UBASH3B: variants seen among roughly 807,000 people sequenced by gnomAD.
The protein encoded by UBASH3B is ubiquitin associated and SH3 domain containing B.
In UBASH3B, 37 loss-of-function variants were observed where a neutral mutation model predicts 83.4. The observed-to-expected ratio is 0.44, with a 90% CI of 0.34 to 0.58. The LOEUF is 0.58. Among genes scored for constraint, UBASH3B ranks in the 20% least tolerant of loss-of-function variants. UBASH3B has a pLI of 0.01. For missense variants in UBASH3B, 657 were observed against 827.2 expected (o/e 0.79, Z 2.52); for synonymous variants, 304 against 318.3 (o/e 0.96, Z 0.48).
chr11:122,796,858 C>A lies in UBASH3B; in HGVS notation c.1235-53C>A, dbSNP rs1861165447. The A allele has an allele frequency of 3.1e-6, 5 of 1,613,130 alleles. No homozygotes were observed. In the African/African-American group the frequency reaches 6.7e-5, roughly 22 times the overall value. ...AGAGTGTCAGGATCAGTAAGGGAGT[C>A]CCAAGTAAACAAGAAATGTATGTAT... On this transcript the variant is annotated intron_variant, in intron 8 of 13. Coordinates refer to ENST00000284273, the MANE Select transcript of UBASH3B (RefSeq NM_032873.5).
chr11:122,689,656 A>T (rs1162430258), intron 1 of UBASH3B, among the ~76,000 whole-genome samples: 1 of 152,162 alleles, frequency 6.6e-6, no homozygotes, highest in Non-Finnish European at 1.5e-5. Context: ...ACCTGGAGAT[A>T]GCCTCAGATC....
chr11:122,798,709 CAAAA>C (rs11433996), intron 9 of UBASH3B, among the ~76,000 whole-genome samples: 1 of 118,482 alleles, frequency 8.4e-6, no homozygotes. Context: ...GACTCCATCT[CAAAA>C]AAAAAAAAAA....
At chr11:122,773,484 T>G (rs1246714513) in intron 1 of UBASH3B, among the ~76,000 whole-genome samples, 1 of 152,212 alleles carries the variant, frequency 6.6e-6, no homozygotes, top group Admixed American at 6.5e-5. Flanking sequence ...TTCTTGAAGC[T>G]TTCAAGAATA....
At chr11:122,715,353 C>T (rs1308390566) in intron 1 of UBASH3B, among the ~76,000 whole-genome samples, 2 of 152,292 alleles carry the variant, frequency 1.3e-5, no homozygotes, top group Admixed American at 1.3e-4. Context: ...TCTGGACAGA[C>T]CTTGCATTGC....
intron 1 of UBASH3B, among the ~76,000 whole-genome samples, chr11:122,668,585 A>G (rs1243119168): frequency 6.6e-6 from 1 of 152,198 alleles, no homozygotes; most frequent in East Asian, 1.9e-4. Flanking sequence ...GGGTAAGAAC[A>G]AGCGATATTC....
chr11:122,670,283 G>A (rs542879569), intron 1 of UBASH3B, among the ~76,000 whole-genome samples: 10 of 152,206 alleles, frequency 6.6e-5, no homozygotes, highest in African/African-American at 1.9e-4. Flanking sequence ...CCAAGTCTCT[G>A]CCAACCACCT....
intron 5 of UBASH3B, 147 bp downstream of exon 5, chr11:122,783,369 G>A: frequency 1.1e-6 from 1 of 938,506 alleles, no homozygotes; most frequent in Non-Finnish European, 1.5e-6. Flanking sequence ...ATTGTGTCCA[G>A]CCTCTGCTTG....
chr11:122,796,357 A>G, intron 8 of UBASH3B, 81 bp downstream of exon 8: 1 of 1,561,836 alleles, frequency 6.4e-7, no homozygotes, highest in Admixed American at 1.9e-5. Context: ...AGTTATCTAG[A>G]TGGAGTCATT....
At chr11:122,674,598 G>A (rs1418092342) in intron 1 of UBASH3B, among the ~76,000 whole-genome samples, 1 of 151,956 alleles carries the variant, frequency 6.6e-6, no homozygotes, top group Non-Finnish European at 1.5e-5. Flanking sequence ...AGCCAGGACG[G>A]TCTTGATCTC....
rs2135884511 is a variant in UBASH3B, at chr11:122,655,983, G to C, written c.-67G>C. The C allele has an allele frequency of 1.7e-3, 1,249 of 728,080 alleles. No homozygotes were observed. Among genetic ancestry groups the C allele is most frequent in the Middle Eastern group, 3.9e-3 (8 of 2,036 alleles). The allele number at this position is 728,080 out of a possible 1,614,324, so 45.1% of individuals were successfully genotyped here. ...CGAGCCCCCTCCCCTGGCCCAGCCC[G>C]ACTCCCTCCTCCTTCCCGAACCATC... On this transcript the variant is annotated 5_prime_UTR_variant, in exon 1 of 14. Coordinates refer to ENST00000284273, the MANE Select transcript of UBASH3B (RefSeq NM_032873.5).
intron 4 of UBASH3B, 78 bp downstream of exon 4, chr11:122,779,773 G>T: frequency 6.4e-7 from 1 of 1,559,068 alleles, no homozygotes. Context: ...GGAAATAGTG[G>T]TAGAGGAGCA....
chr11:122,776,971 T>C lies in UBASH3B; in HGVS notation c.216-53T>C, dbSNP rs1860746220. On this transcript the variant is annotated intron_variant, in intron 2 of 13. Transcript: ENST00000284273. ...GTGGATCTGTCTCTCAGTTCTTTTTTCCCCTCCCATTATTCTCAAGCGACA... is the reference window on the plus strand; with the variant it reads ...GTGGATCTGTCTCTCAGTTCTTTTTCCCCCTCCCATTATTCTCAAGCGACA... The C allele has an allele frequency of 5.4e-6, 8 of 1,494,334 alleles. 1 individual carries two copies. The highest frequency in any genetic ancestry group is 1.8e-4 in the Middle Eastern group (1 of 5,604). The allele number at this position is 1,494,334 out of a possible 1,614,324, so 92.6% of individuals were successfully genotyped here. A position where few individuals can be genotyped will look rare whatever the true frequency, so the allele number is the denominator to read the frequency against.
chr11:122,684,630 C>G (rs4936720), intron 1 of UBASH3B, among the ~76,000 whole-genome samples: 104,680 of 152,056 alleles, frequency 0.69, 39,425 homozygotes, highest in Admixed American at 0.83. Flanking sequence ...TGTTTTGAGA[C>G]AGAGTTTCGC....
chr11:122,687,408 C>A (rs372475759), intron 1 of UBASH3B, among the ~76,000 whole-genome samples: 12 of 152,162 alleles, frequency 7.9e-5, no homozygotes, highest in East Asian at 3.8e-4. Context: ...AAACCTTCCA[C>A]TTAACATGGT....
At chr11:122,764,115 G>A (rs1860491531) in intron 1 of UBASH3B, among the ~76,000 whole-genome samples, 1 of 152,204 alleles carries the variant, frequency 6.6e-6, no homozygotes, top group Admixed American at 6.5e-5. Context: ...AAAACTTTCT[G>A]AGTGCAAGGG....
At chr11:122,760,815 G>A (rs1457856238) in intron 1 of UBASH3B, among the ~76,000 whole-genome samples, 1 of 152,250 alleles carries the variant, frequency 6.6e-6, no homozygotes, top group African/African-American at 2.4e-5. Flanking sequence ...TAAAAAGTAG[G>A]ATGGGATGCC....
intron 1 of UBASH3B, among the ~76,000 whole-genome samples, chr11:122,690,027 C>T (rs1234454952): frequency 6.6e-6 from 1 of 151,390 alleles, no homozygotes; most frequent in Non-Finnish European, 1.5e-5. Flanking sequence ...GCATTTCTTC[C>T]CCCAGGGTGG....
intron 1 of UBASH3B, among the ~76,000 whole-genome samples, chr11:122,687,869 A>G (rs1863828450): frequency 6.6e-6 from 1 of 152,130 alleles, no homozygotes; most frequent in African/African-American, 2.4e-5. Flanking sequence ...TTACCTCCCT[A>G]TCCTGCCATC....
intron 11 of UBASH3B, among the ~76,000 whole-genome samples, chr11:122,805,340 G>A (rs547842433): frequency 6.6e-6 from 1 of 152,150 alleles, no homozygotes; most frequent in Non-Finnish European, 1.5e-5. Flanking sequence ...GACCAGCCTG[G>A]CCAACATGGT....
Sources: gnomAD v4.1 joint callset for allele counts (sites outside exome capture counted in the v4.1 genomes callset) on GRCh38, gnomAD v4.1.1 for gene constraint, MANE v1.5 for transcripts, NCBI Gene and HGNC (gene_info 2026-07-23, HGNC 2026-07-21) for gene names.